The following AGMO variants were observed in gnomAD, a reference collection of about 807,000 sequenced individuals.
AGMO encodes alkylglycerol monooxygenase.
A neutral mutation model predicts 60.2 loss-of-function variants in AGMO; 75 were observed. That is an observed-to-expected ratio of 1.25 (90% CI 1.03 to 1.51). The LOEUF (loss-of-function observed/expected upper bound fraction) is 1.51, where lower values mean the gene tolerates loss of function less well. Among genes scored for constraint, AGMO ranks in the 40% most tolerant of loss-of-function variants. The pLI, the probability that AGMO is intolerant of heterozygous loss-of-function variation, is 0.00. For synonymous variants in AGMO, 261 were observed against 177.1 expected, an observed-to-expected ratio of 1.47 and a Z score of -3.76; for missense variants, 763 against 525.5, an observed-to-expected ratio of 1.45 and a Z score of -4.42.
chr7:15,395,147 A>G (rs1784319666), intron 5 of AGMO, among the ~76,000 whole-genome samples: 1 of 152,224 alleles, frequency 6.6e-6, no homozygotes, highest in Non-Finnish European at 1.5e-5. Flanking sequence ...GAGCCTACCA[A>G]TGACAAAATC....
intron 5 of AGMO, chr7:15,396,536 A>T (rs991987620): frequency 2.0e-5 from 3 of 152,258 alleles, no homozygotes; most frequent in African/African-American, 7.2e-5. Flanking sequence ...AGAGCAAAAG[A>T]ACAAAGCTAC....
In AGMO at chr7:15,201,030, T is replaced by C. The variant is rs2115463499; in HGVS notation, c.*255A>G. 3.3e-6 allele frequency: 1 copy of C among 302,518 alleles called. No homozygotes were observed. Among genetic ancestry groups the C allele is most frequent in the Admixed American group, 4.9e-5 (1 of 20,350 alleles). 18.7% of individuals were successfully genotyped at this position (302,518 alleles called of 1,614,324 possible). A position where few individuals can be genotyped will look rare whatever the true frequency, so the allele number is the denominator to read the frequency against. On this transcript the variant is annotated 3_prime_UTR_variant, in exon 13 of 13. Transcript: ENST00000342526. ...TCTTTTTATACTTGTCATATAAGGC[T>C]ATCAGTTAATATAACATCATTATAT... is the stretch of plus-strand genomic sequence containing the variant.
the AGMO span, among the ~76,000 whole-genome samples, chr7:15,133,046 T>C: frequency 1.3e-5 from 2 of 152,166 alleles, no homozygotes; most frequent in African/African-American, 4.8e-5. Context: ...AGTCTAGATA[T>C]GGTAAGCAAT....
chr7:15,253,301 T>A (rs112062870), intron 12 of AGMO, among the ~76,000 whole-genome samples: 2,200 of 152,310 alleles, frequency 0.014, 64 homozygotes, highest in African/African-American at 0.049. Flanking sequence ...GAGATGCTAA[T>A]GTTGGTACAT....
At chr7:15,184,291 A>G in the AGMO span, among the ~76,000 whole-genome samples, 50,658 of 71,566 alleles carry the variant, frequency 0.71, 16,606 homozygotes, top group African/African-American at 0.85. Context: ...GGAAGGAAGG[A>G]AGGGAGGCAG....
chr7:15,346,346 G>C (rs140635612), intron 12 of AGMO, among the ~76,000 whole-genome samples: 1 of 152,022 alleles, frequency 6.6e-6, no homozygotes, highest in African/African-American at 2.4e-5. Context: ...CTAGTCCCGA[G>C]TACTTTATTT....
At chr7:15,247,301 A>G (rs972496032) in intron 12 of AGMO, among the ~76,000 whole-genome samples, 1 of 152,150 alleles carries the variant, frequency 6.6e-6, no homozygotes, top group Non-Finnish European at 1.5e-5. Flanking sequence ...AAAGTGGATA[A>G]TATTTTTCTT....
chr7:15,270,918 G>C lies in AGMO; in HGVS notation c.1264-69559C>G, dbSNP rs532826984. On this transcript the variant is annotated intron_variant, in intron 12 of 12. Coordinates refer to ENST00000342526, the MANE Select transcript of AGMO (RefSeq NM_001004320.2). ...TTCCACACACCATTTAGTGAATAGG[G>C]TGTCATTTTCCCCTTGTTTATTTTT... Among the ~76,000 whole-genome samples, 5 of 151,936 alleles carry C rather than the reference G, an allele frequency of 3.3e-5. No homozygotes were observed. In the South Asian group the frequency reaches 1.0e-3, roughly 32 times the overall value.
At chr7:15,441,950 T>C (rs1047576549) in intron 3 of AGMO, among the ~76,000 whole-genome samples, 2 of 152,212 alleles carry the variant, frequency 1.3e-5, no homozygotes, top group African/African-American at 4.8e-5. Flanking sequence ...ATCTCTTTGC[T>C]ACTAATCAGG....
At chr7:15,178,206 T>A in the AGMO span, among the ~76,000 whole-genome samples, 1 of 152,194 alleles carries the variant, frequency 6.6e-6, no homozygotes, top group Non-Finnish European at 1.5e-5. Flanking sequence ...TGTTCTCAAA[T>A]AACTCTCTAA....
In AGMO at chr7:15,442,768, T is replaced by C. The variant is rs1036798457; in HGVS notation, c.410-11660A>G. Among the ~76,000 whole-genome samples the C allele has an allele frequency of 9.9e-5, 15 of 152,090 alleles. No individual in the cohort carries two copies. The East Asian group carries it at 2.7e-3, about 28-fold the overall frequency. On this transcript the variant is annotated intron_variant, in intron 3 of 12. Transcript: ENST00000342526. ...TGCATTTCCCAAGACCACCCTGGCC[T>C]GCCACACCCCCATCCTGTGCCTAAA...
chr7:15,149,081 G>C, the AGMO span, among the ~76,000 whole-genome samples: 1 of 152,088 alleles, frequency 6.6e-6, no homozygotes, highest in Admixed American at 6.6e-5. Context: ...GTGATGTTGA[G>C]AATTATTTCA....
intron 12 of AGMO, among the ~76,000 whole-genome samples, chr7:15,260,495 C>T (rs546571326): frequency 6.6e-6 from 1 of 152,046 alleles, no homozygotes; most frequent in Non-Finnish European, 1.5e-5. Context: ...GCACTTAACA[C>T]TGGAGGTCCC....
intron 12 of AGMO, among the ~76,000 whole-genome samples, chr7:15,289,813 T>G (rs1409009478): frequency 6.6e-6 from 1 of 152,008 alleles, no homozygotes; most frequent in Non-Finnish European, 1.5e-5. Flanking sequence ...ATTACATTCA[T>G]TATAGTAAAA....
At chr7:15,400,127 A>G (rs1256054629) in intron 5 of AGMO, among the ~76,000 whole-genome samples, 1 of 152,132 alleles carries the variant, frequency 6.6e-6, no homozygotes, top group Non-Finnish European at 1.5e-5. Flanking sequence ...GTGCCTTACC[A>G]TTCTCTGTGT....
chr7:15,240,152 A>G (rs1175672997), intron 12 of AGMO, among the ~76,000 whole-genome samples: 7 of 152,172 alleles, frequency 4.6e-5, no homozygotes, highest in Non-Finnish European at 7.4e-5. Context: ...TATTTATTCA[A>G]TACATGCTAA....
chr7:15,126,106 T>C, the AGMO span, among the ~76,000 whole-genome samples: 1 of 152,104 alleles, frequency 6.6e-6, no homozygotes, highest in South Asian at 2.1e-4. Flanking sequence ...CTCCTTCAGA[T>C]GAGACACACA....
chr7:15,384,187 T>C (rs1461945874), intron 10 of AGMO, among the ~76,000 whole-genome samples: 2 of 152,186 alleles, frequency 1.3e-5, no homozygotes, highest in Non-Finnish European at 2.9e-5. Context: ...TCTGCCCACC[T>C]TGGCCTCCCA....
the AGMO span, among the ~76,000 whole-genome samples, chr7:15,166,601 AT>A: frequency 6.6e-6 from 1 of 152,154 alleles, no homozygotes; most frequent in South Asian, 2.1e-4. Context: ...CAGGTGCTAT[AT>A]TAAGAAGATT....
Sources: gnomAD v4.1 joint callset for allele counts (sites outside exome capture counted in the v4.1 genomes callset) on GRCh38, gnomAD v4.1.1 for gene constraint, MANE v1.5 for transcripts, NCBI Gene and HGNC (gene_info 2026-07-23, HGNC 2026-07-21) for gene names.